The following PTPRZ1 variants were observed in gnomAD, a reference collection of about 807,000 sequenced individuals.
PTPRZ1 encodes receptor-type tyrosine-protein phosphatase zeta.
PTPRZ1 carries 82 observed loss-of-function variants against 214.1 expected under a neutral mutation model. That is an observed-to-expected ratio of 0.38 (90% CI 0.32 to 0.46). PTPRZ1 has a LOEUF of 0.46. Ranked by LOEUF, PTPRZ1 falls within the 20% of genes least tolerant of loss-of-function variation. The pLI is 1.00. For synonymous variants in PTPRZ1, 945 were observed against 987.9 expected, an observed-to-expected ratio of 0.96 and a Z score of 0.81; for missense variants, 2,603 against 2,748.7, an observed-to-expected ratio of 0.95 and a Z score of 1.19.
intron 13 of PTPRZ1, among the ~76,000 whole-genome samples, chr7:122,019,553 G>A (rs59390672): frequency 0.056 from 8,471 of 152,018 alleles, 308 homozygotes; most frequent in East Asian, 0.18. Context: ...TATCATCATA[G>A]CATTTAACAT....
chr7:122,017,362 A>G (rs1798872421), intron 12 of PTPRZ1, among the ~76,000 whole-genome samples: 1 of 152,044 alleles, frequency 6.6e-6, no homozygotes, highest in African/African-American at 2.4e-5. Context: ...CTTTTCTCAC[A>G]AGAATATTAG....
chr7:121,989,602 G>T (rs183569404), intron 8 of PTPRZ1, among the ~76,000 whole-genome samples: 1 of 152,092 alleles, frequency 6.6e-6, no homozygotes, highest in Non-Finnish European at 1.5e-5. Context: ...TTGAACTCCC[G>T]AACTCAGGTG....
intron 12 of PTPRZ1, 58 bp from the exon 13 acceptor site, chr7:122,019,066 A>G: frequency 6.7e-7 from 1 of 1,491,278 alleles, no homozygotes; most frequent in Non-Finnish European, 9.1e-7. Context: ...CAGTTGAAAA[A>G]TGCTGTGACT....
chr7:122,060,034 T>A (rs2215358), intron 29 of PTPRZ1, 146 bp downstream of exon 29: 47,704 of 785,138 alleles, frequency 0.061, 1,797 homozygotes, highest in South Asian at 0.082. Context: ...AAGTCCACAA[T>A]CCATAGAACA....
At chr7:122,049,084 A>C (rs1792092405) in intron 23 of PTPRZ1, among the ~76,000 whole-genome samples, 2 of 152,128 alleles carry the variant, frequency 1.3e-5, no homozygotes, top group Non-Finnish European at 2.9e-5. Context: ...TTACATAAAG[A>C]AACATTATGA....
chr7:121,966,057 A>C (rs1797038070), intron 2 of PTPRZ1, among the ~76,000 whole-genome samples: 1 of 152,170 alleles, frequency 6.6e-6, no homozygotes, highest in Admixed American at 6.5e-5. Context: ...GATTAGGGAA[A>C]TATTTTGAAG....
rs920431327 is a variant in PTPRZ1, at chr7:122,051,537, C to G, written c.6178+16C>G. ...ATCATCCCTGGTAAGTTGTGTTGAT[C>G]CTTGAAAAAACAACTTTTTTAAAAT... On this transcript the variant is annotated intron_variant, in intron 24 of 29. Transcript: ENST00000393386. 12 of 1,595,216 alleles carry G rather than the reference C, an allele frequency of 7.5e-6. No homozygotes were observed. Among genetic ancestry groups the G allele is most frequent in the Non-Finnish European group, 1.0e-5 (12 of 1,171,204 alleles).
chr7:121,935,875 T>C (rs1796074042), intron 2 of PTPRZ1, among the ~76,000 whole-genome samples: 1 of 152,208 alleles, frequency 6.6e-6, no homozygotes, highest in Admixed American at 6.5e-5. Flanking sequence ...GCCTACTCTC[T>C]GTGTTCTTTA....
chr7:122,034,258 T>G (rs2150472129), intron 16 of PTPRZ1, 24 bp from the exon 17 acceptor site: 1 of 1,603,142 alleles, frequency 6.2e-7, no homozygotes, highest in South Asian at 1.1e-5. Context: ...TGTGTTAAAA[T>G]GATTTACATA....
At chr7:121,875,770 G>C (rs1348850626) in intron 1 of PTPRZ1, among the ~76,000 whole-genome samples, 1 of 152,178 alleles carries the variant, frequency 6.6e-6, no homozygotes, top group Non-Finnish European at 1.5e-5. Flanking sequence ...TCTTGGGGCA[G>C]CATGTTTTGA....
intron 6 of PTPRZ1, among the ~76,000 whole-genome samples, chr7:121,980,743 T>G (rs1797580355): frequency 6.6e-6 from 1 of 152,258 alleles, no homozygotes; most frequent in Non-Finnish European, 1.5e-5. Context: ...CTTATTTTTC[T>G]TTGAGGCTTT....
chr7:121,974,616 T>A (rs545866570), intron 4 of PTPRZ1, among the ~76,000 whole-genome samples: 2 of 152,168 alleles, frequency 1.3e-5, no homozygotes, highest in South Asian at 4.2e-4. Context: ...GCCTCTCGAG[T>A]TGCTGGGATT....
chr7:121,926,071 A>G (rs1201135636), intron 1 of PTPRZ1, among the ~76,000 whole-genome samples: 1 of 152,138 alleles, frequency 6.6e-6, no homozygotes, highest in East Asian at 1.9e-4. Context: ...TTGGGAGGCC[A>G]AGGCGGGCGG....
intron 13 of PTPRZ1, among the ~76,000 whole-genome samples, chr7:122,024,242 G>GTT (rs533142090): frequency 1.4e-5 from 2 of 142,636 alleles, no homozygotes. Flanking sequence ...ATTTTCAAAA[G>GTT]TTTTTTTTTT....
intron 6 of PTPRZ1, among the ~76,000 whole-genome samples, chr7:121,979,703 G>T (rs1207900130): frequency 6.6e-6 from 1 of 152,132 alleles, no homozygotes. Context: ...AGCAAATAAT[G>T]ATTGCAAAAA....
chr7:122,041,787 T>C (rs966403662), intron 21 of PTPRZ1, among the ~76,000 whole-genome samples: 4 of 152,232 alleles, frequency 2.6e-5, no homozygotes, highest in African/African-American at 9.6e-5. Context: ...ATCTAACACA[T>C]TCTAATTACC....
intron 1 of PTPRZ1, among the ~76,000 whole-genome samples, chr7:121,881,378 C>T (rs1794233676): frequency 6.6e-6 from 1 of 152,186 alleles, no homozygotes; most frequent in African/African-American, 2.4e-5. Flanking sequence ...ACCTGGGAGA[C>T]TTTTAAATCA....
intron 2 of PTPRZ1, among the ~76,000 whole-genome samples, chr7:121,952,027 C>T (rs534741083): frequency 5.3e-5 from 8 of 151,040 alleles, no homozygotes. Context: ...GACGCGATCT[C>T]GGCTCACTGC....
intron 1 of PTPRZ1, among the ~76,000 whole-genome samples, chr7:121,879,373 G>A (rs1441904301): frequency 6.6e-6 from 1 of 152,032 alleles, no homozygotes; most frequent in Non-Finnish European, 1.5e-5. Flanking sequence ...GATGCAGGAT[G>A]GTCAGTAATG....
Sources: gnomAD v4.1 joint callset for allele counts (sites outside exome capture counted in the v4.1 genomes callset) on GRCh38, gnomAD v4.1.1 for gene constraint, MANE v1.5 for transcripts, NCBI Gene and HGNC (gene_info 2026-07-23, HGNC 2026-07-21) for gene names.